Variants in BCAS1 observed in about 807,000 individuals in gnomAD.
BCAS1 encodes the protein brain enriched myelin associated protein 1, also known as breast carcinoma-amplified sequence 1.
Under a neutral mutation model 65.4 loss-of-function variants are expected in BCAS1, and 46 were observed. The ratio of observed to expected loss-of-function variants is 0.70; its 90% confidence interval spans 0.55 to 0.90. The LOEUF (loss-of-function observed/expected upper bound fraction) is 0.90. Among genes scored for constraint, BCAS1 ranks in the 40% least tolerant of loss-of-function variants. The probability of loss-of-function intolerance (pLI) is 0.00; values close to 1 mark genes in which losing one functional copy is unlikely to be tolerated. For synonymous variants in BCAS1, 298 were observed against 293.5 expected (o/e 1.02, Z -0.16); for missense variants, 793 against 771.2 (o/e 1.03, Z -0.33).
At chr20:53,964,836 T>C (rs2145611353) in intron 10 of BCAS1, among the ~76,000 whole-genome samples, 1 of 152,068 alleles carries the variant, frequency 6.6e-6, no homozygotes, top group Non-Finnish European at 1.5e-5. Context: ...GAGTTTCTTG[T>C]ACTTTTCCCT....
intron 3 of BCAS1, among the ~76,000 whole-genome samples, chr20:54,030,619 C>CAT (rs1443437401): frequency 2.1e-5 from 3 of 142,306 alleles, no homozygotes; most frequent in Non-Finnish European, 4.9e-5. Context: ...CATACACACA[C>CAT]ATGCATCCAT....
chr20:54,000,202 AT>A (rs1239452656), intron 4 of BCAS1, among the ~76,000 whole-genome samples: 1 of 152,126 alleles, frequency 6.6e-6, no homozygotes, highest in Non-Finnish European at 1.5e-5. Context: ...GTCTGGAGAC[AT>A]TTTTTTGATT....
In BCAS1 at chr20:53,985,509, TA is replaced by T. The variant is rs545935348; in HGVS notation, c.1063-11del. 42 of 1,603,806 alleles carry T rather than the reference TA, an allele frequency of 2.6e-5. No homozygotes were observed. Among genetic ancestry groups the T allele is most frequent in the Admixed American group, 1.2e-4 (7 of 57,478 alleles). On this transcript the variant is annotated splice_polypyrimidine_tract_variant and intron_variant, in intron 7 of 12. Transcript: ENST00000688948. ...GTGACTTTTCAGCACCCTAAAGAGTTAAAAAAAATGGAGGGAAAACATTCAA... is the reference window on the plus strand; with the variant it reads ...GTGACTTTTCAGCACCCTAAAGAGTTAAAAAAATGGAGGGAAAACATTCAA...
rs141803302 is a variant in BCAS1, at chr20:54,035,766, G to T, written c.143-6794C>A. Among the ~76,000 whole-genome samples the T allele has an allele frequency of 2.6e-3, 396 of 151,202 alleles. 7 individuals are homozygous for T. The highest frequency in any genetic ancestry group is 9.4e-3 in the African/African-American group (390 of 41,374). On this transcript the variant is annotated intron_variant, in intron 3 of 12. Coordinates refer to ENST00000688948, the MANE Select transcript of BCAS1 (RefSeq NM_001366298.2). The stretch of plus-strand genomic sequence containing the variant: ...AGATACATGCATGTGTATGTTCATT[G>T]CAGCACTATTCACAATAGCAAAAAC...
chr20:54,064,940 G>A (rs12625283), intron 1 of BCAS1, among the ~76,000 whole-genome samples: 21,123 of 152,132 alleles, frequency 0.14, 1,938 homozygotes, highest in East Asian at 0.32. Context: ...GGAGCACAGA[G>A]AGGTTGAGTG....
chr20:53,970,247 A>T (rs569840527), intron 9 of BCAS1, among the ~76,000 whole-genome samples: 4 of 152,304 alleles, frequency 2.6e-5, no homozygotes, highest in African/African-American at 9.6e-5. Context: ...ATCCTAGGCC[A>T]CAAGTCCATT....
At chr20:53,995,788 T>A in intron 5 of BCAS1, 104 bp downstream of exon 5, 1 of 1,279,706 alleles carries the variant, frequency 7.8e-7, no homozygotes, top group South Asian at 1.7e-5. Flanking sequence ...AACAGCACCA[T>A]GATAATTCAT....
intron 7 of BCAS1, among the ~76,000 whole-genome samples, chr20:53,986,664 G>A (rs574485345): frequency 2.0e-5 from 3 of 152,264 alleles, no homozygotes; most frequent in South Asian, 2.1e-4. Context: ...TTGGGAGGCC[G>A]ACGTGGGAAG....
At chr20:54,052,815 A>G (rs561482933) in intron 3 of BCAS1, among the ~76,000 whole-genome samples, 1 of 152,344 alleles carries the variant, frequency 6.6e-6, no homozygotes, top group East Asian at 1.9e-4. Flanking sequence ...TCTACTTTTT[A>G]TAAATTACCA....
At chr20:54,001,928 A>C (rs1210396735) in intron 4 of BCAS1, among the ~76,000 whole-genome samples, 1 of 152,186 alleles carries the variant, frequency 6.6e-6, no homozygotes, top group Non-Finnish European at 1.5e-5. Flanking sequence ...CTAATGAGGA[A>C]AGACCCTGTG....
chr20:54,063,478 A>G (rs1301412675), intron 1 of BCAS1, among the ~76,000 whole-genome samples: 1 of 152,208 alleles, frequency 6.6e-6, no homozygotes, highest in Non-Finnish European at 1.5e-5. Flanking sequence ...CTACCGAGGA[A>G]TCCAGCAACA....
At chr20:53,967,984 T>C (rs979210870) in intron 9 of BCAS1, among the ~76,000 whole-genome samples, 1 of 152,216 alleles carries the variant, frequency 6.6e-6, no homozygotes, top group African/African-American at 2.4e-5. Flanking sequence ...AGTAACTGTT[T>C]CTGTGTGGCT....
chr20:53,956,321 G>A (rs774518837), intron 11 of BCAS1, among the ~76,000 whole-genome samples: 31 of 152,188 alleles, frequency 2.0e-4, no homozygotes, highest in Non-Finnish European at 4.1e-4. Flanking sequence ...CAAGCAAGAA[G>A]GTGGCCATTT....
intron 4 of BCAS1, among the ~76,000 whole-genome samples, chr20:53,999,687 C>A (rs1176021765): frequency 6.6e-6 from 1 of 152,126 alleles, no homozygotes; most frequent in Non-Finnish European, 1.5e-5. Context: ...TTCTGCCTGC[C>A]AGGAGCATGT....
At chr20:53,949,357 A>C (rs191275033) in intron 12 of BCAS1, among the ~76,000 whole-genome samples, 2 of 145,020 alleles carry the variant, frequency 1.4e-5, no homozygotes, top group Admixed American at 1.4e-4. Context: ...TTTGAAAACC[A>C]AGTGGGTTGC....
intron 12 of BCAS1, among the ~76,000 whole-genome samples, chr20:53,948,238 G>GGTTC (rs1364564925): frequency 1.3e-5 from 2 of 152,126 alleles, no homozygotes; most frequent in Non-Finnish European, 2.9e-5. Flanking sequence ...CCATCCTTTA[G>GGTTC]GTTCCATGAG....
At chr20:53,983,297 T>C (rs1032555383) in intron 8 of BCAS1, among the ~76,000 whole-genome samples, 1 of 152,212 alleles carries the variant, frequency 6.6e-6, no homozygotes, top group African/African-American at 2.4e-5. Flanking sequence ...GTAACACTGT[T>C]CAGTGGGCAC....
chr20:54,003,612 A>G (rs1434390142), intron 4 of BCAS1, among the ~76,000 whole-genome samples: 7 of 146,806 alleles, frequency 4.8e-5, no homozygotes, highest in African/African-American at 1.7e-4. Flanking sequence ...CTGCAAAAAT[A>G]CAAAAAGCAC....
intron 8 of BCAS1, among the ~76,000 whole-genome samples, chr20:53,984,732 A>C (rs2081519787): frequency 6.6e-6 from 1 of 152,220 alleles, no homozygotes; most frequent in Non-Finnish European, 1.5e-5. Flanking sequence ...TGCACCACTC[A>C]GACCTCAGAT....
Sources: gnomAD v4.1 joint callset for allele counts (sites outside exome capture counted in the v4.1 genomes callset) on GRCh38, gnomAD v4.1.1 for gene constraint, MANE v1.5 for transcripts, NCBI Gene and HGNC (gene_info 2026-07-23, HGNC 2026-07-21) for gene names.